Variants in EIF4G3 observed in about 807,000 individuals in gnomAD.
EIF4G3 encodes eukaryotic translation initiation factor 4 gamma 3, also known as eIF-4-gamma 3.
EIF4G3 carries 34 observed loss-of-function variants against 186.4 expected under a neutral mutation model. The observed-to-expected ratio is 0.18, with a 90% CI of 0.14 to 0.24. EIF4G3 has a LOEUF of 0.24. Ranked by LOEUF, EIF4G3 falls within the 10% of genes least tolerant of loss-of-function variation. EIF4G3 has a pLI of 1.00. For synonymous variants in EIF4G3, 673 were observed against 679.5 expected (o/e 0.99, Z 0.15); for missense variants, 1,536 against 1,948.5 (o/e 0.79, Z 3.99).
intron 3 of EIF4G3, among the ~76,000 whole-genome samples, chr1:21,061,582 A>T (rs1186077398): frequency 2.6e-5 from 4 of 152,196 alleles, no homozygotes; most frequent in Admixed American, 2.0e-4. Flanking sequence ...TATCAAAACT[A>T]GCAAATTTCA....
At chr1:20,827,188 T>C (rs1368093083) in intron 32 of EIF4G3, among the ~76,000 whole-genome samples, 1 of 152,228 alleles carries the variant, frequency 6.6e-6, no homozygotes, top group Non-Finnish European at 1.5e-5. Context: ...CCAAACCTCT[T>C]AGACTTCTAA....
intron 3 of EIF4G3, among the ~76,000 whole-genome samples, chr1:21,065,439 G>C (rs1413496020): frequency 6.7e-6 from 1 of 150,274 alleles, no homozygotes; most frequent in Non-Finnish European, 1.5e-5. Context: ...GTGTGCACTT[G>C]TAGTCCTAGC....
At chr1:20,920,904 A>ATT (rs2094445723) in intron 14 of EIF4G3, among the ~76,000 whole-genome samples, 1 of 152,204 alleles carries the variant, frequency 6.6e-6, no homozygotes, top group African/African-American at 2.4e-5. Context: ...AAGTCCCAAT[A>ATT]TTATTTTCAA....
intron 2 of EIF4G3, among the ~76,000 whole-genome samples, chr1:21,171,747 C>T (rs973428900): frequency 6.6e-6 from 1 of 152,168 alleles, no homozygotes; most frequent in African/African-American, 2.4e-5. Context: ...CTAGACCCTA[C>T]ATTTCAGAGA....
At chr1:21,076,255 C>CCATT (rs1448686485) in intron 3 of EIF4G3, among the ~76,000 whole-genome samples, 10 of 151,996 alleles carry the variant, frequency 6.6e-5, no homozygotes, top group African/African-American at 2.4e-4. Flanking sequence ...AACAATGGAT[C>CCATT]AATGAAGAAA....
intron 14 of EIF4G3, among the ~76,000 whole-genome samples, chr1:20,941,069 T>C (rs1387661540): frequency 6.6e-6 from 1 of 152,230 alleles, no homozygotes; most frequent in Non-Finnish European, 1.5e-5. Context: ...TGGTCATGCA[T>C]AGAAGAGTTC....
chr1:20,974,218 T>C lies in EIF4G3; in HGVS notation c.494-1119A>G, dbSNP rs531583614. On this transcript the variant is annotated intron_variant, in intron 10 of 36. Transcript: ENST00000602326. ...TCAGAGGATAGGTATGAGTTACAGT[T>C]ATCCATTCTGGAATTCACAGAATAT... Among the ~76,000 whole-genome samples, 4 of 152,308 alleles carry C rather than the reference T, an allele frequency of 2.6e-5. No homozygotes were observed. In the South Asian group the frequency reaches 8.3e-4, roughly 32 times the overall value.
intron 13 of EIF4G3, among the ~76,000 whole-genome samples, chr1:20,948,744 C>T (rs571274221): frequency 1.3e-5 from 2 of 151,934 alleles, no homozygotes; most frequent in African/African-American, 2.4e-5. Flanking sequence ...CATGGTGCCT[C>T]AGGCCTGCAA....
chr1:20,986,768 A>AAG (rs2079632493), intron 7 of EIF4G3, among the ~76,000 whole-genome samples: 1 of 139,794 alleles, frequency 7.2e-6, no homozygotes, highest in Non-Finnish European at 1.6e-5. Flanking sequence ...AAAAAAAAAA[A>AAG]AAAGAAAACT....
At position 20,841,038 on chromosome 1, in the gene EIF4G3, C is replaced by A; in HGVS notation, c.3889-10G>T. 1 of 1,613,054 alleles carries A rather than the reference C, an allele frequency of 6.2e-7. No individual in the cohort carries two copies. The highest frequency in any genetic ancestry group is 8.5e-7 in the Non-Finnish European group (1 of 1,179,506). ...CACACTGCATGGCTTCCTGTTCCAA[C>A]AGCAAAGAAAGGTTTACTCCAAAAT... On this transcript the variant is annotated splice_polypyrimidine_tract_variant and intron_variant, in intron 29 of 36. Transcript: ENST00000602326.
chr1:20,844,469 T>C (rs996033519), intron 29 of EIF4G3, among the ~76,000 whole-genome samples: 1 of 152,206 alleles, frequency 6.6e-6, no homozygotes, highest in Non-Finnish European at 1.5e-5. Context: ...TGTCTGTTCA[T>C]GTCCTTTGTC....
chr1:20,901,785 T>C (rs1019936084), intron 15 of EIF4G3, among the ~76,000 whole-genome samples: 4 of 152,156 alleles, frequency 2.6e-5, no homozygotes, highest in Non-Finnish European at 5.9e-5. Context: ...TCAACTAGTC[T>C]GTACAGTTCC....
chr1:21,006,630 T>C (rs1384638302), intron 4 of EIF4G3, among the ~76,000 whole-genome samples: 3 of 152,224 alleles, frequency 2.0e-5, no homozygotes, highest in Non-Finnish European at 4.4e-5. Flanking sequence ...TTAATAATGT[T>C]ACTGAAGAAA....
At chr1:20,919,435 G>C (rs2094278243) in intron 14 of EIF4G3, among the ~76,000 whole-genome samples, 1 of 152,006 alleles carries the variant, frequency 6.6e-6, no homozygotes, top group African/African-American at 2.4e-5. Context: ...GAACTACTGG[G>C]CTCAACCAAT....
chr1:20,889,382 G>A (rs1445584281), intron 18 of EIF4G3, among the ~76,000 whole-genome samples: 1 of 152,186 alleles, frequency 6.6e-6, no homozygotes, highest in Non-Finnish European at 1.5e-5. Context: ...GTTAAAATAA[G>A]TATAAATGGC....
intron 19 of EIF4G3, among the ~76,000 whole-genome samples, chr1:20,881,804 GAAAATAAAATAAAAT>G (rs529082279): frequency 6.7e-6 from 1 of 150,158 alleles, no homozygotes; most frequent in South Asian, 2.1e-4. Flanking sequence ...TAATAATAAT[GAAAATAAAATAAAAT>G]AAAATAAAAT....
chr1:20,976,577 A>AT (rs1257368292), intron 10 of EIF4G3, among the ~76,000 whole-genome samples: 1 of 152,198 alleles, frequency 6.6e-6, no homozygotes, highest in Non-Finnish European at 1.5e-5. Context: ...GGTGCAGTCA[A>AT]TATTTAGATT....
chr1:20,837,118 T>C (rs1235386391), intron 30 of EIF4G3, among the ~76,000 whole-genome samples: 1 of 152,244 alleles, frequency 6.6e-6, no homozygotes. Flanking sequence ...TCTATTTTAC[T>C]ACTTTGCAGC....
chr1:20,900,311 T>C (rs1572419286), intron 15 of EIF4G3, among the ~76,000 whole-genome samples: 1 of 152,088 alleles, frequency 6.6e-6, no homozygotes, highest in Admixed American at 6.6e-5. Flanking sequence ...TCAACAAATA[T>C]AAAAAGAAAC....
Sources: gnomAD v4.1 joint callset for allele counts (sites outside exome capture counted in the v4.1 genomes callset) on GRCh38, gnomAD v4.1.1 for gene constraint, MANE v1.5 for transcripts, NCBI Gene and HGNC (gene_info 2026-07-23, HGNC 2026-07-21) for gene names.